Variants in TLN2 observed in about 807,000 individuals in gnomAD.
TLN2 encodes the protein talin-2.
In TLN2, 118 loss-of-function variants were observed where a neutral mutation model predicts 294.7. That is an observed-to-expected ratio of 0.40 (90% CI 0.34 to 0.47). The LOEUF is 0.47. Among genes scored for constraint, TLN2 ranks in the 20% least tolerant of loss-of-function variants. The pLI is 0.84. For synonymous variants in TLN2, 1,431 were observed against 1,304.5 expected (o/e 1.10, Z -2.09); for missense variants, 3,083 against 3,282.2 (o/e 0.94, Z 1.48).
chr15:62,589,758 TTAAGG>T lies in TLN2; in HGVS notation c.-162+1_-162+5del, dbSNP rs2045937514. On this transcript the variant is annotated splice_donor_variant and 5_prime_UTR_variant, in exon 2 of 59. Coordinates refer to ENST00000636159, the MANE Select transcript of TLN2 (RefSeq NM_015059.3). LOFTEE classifies it low-confidence loss of function (5UTR_SPLICE). ...TACGCTCTTAATAGAAACTGAGAAT[TTAAGG>T]TAAGTCCTTTCGCAAAGATACTTTG... 1 of 152,198 alleles carries T rather than the reference TTAAGG, an allele frequency of 6.6e-6. No homozygotes were observed. The highest frequency in any genetic ancestry group is 1.5e-5 in the Non-Finnish European group (1 of 68,036). 9.4% of individuals were successfully genotyped at this position (152,198 alleles called of 1,614,324 possible).
intron 1 of TLN2, among the ~76,000 whole-genome samples, chr15:62,393,168 A>G (rs1453678163): frequency 3.9e-5 from 6 of 152,194 alleles, no homozygotes; most frequent in Non-Finnish European, 7.3e-5. Flanking sequence ...AGGTCTCTTC[A>G]TATTGGGGAA....
chr15:62,573,829 A>T (rs533481259), intron 1 of TLN2, among the ~76,000 whole-genome samples: 13 of 148,122 alleles, frequency 8.8e-5, no homozygotes, highest in African/African-American at 2.2e-4. Context: ...ACTGAGAGGG[A>T]TGCATTATTA....
At chr15:62,453,484 G>C (rs964206212) in intron 1 of TLN2, 2 of 152,150 alleles carry the variant, frequency 1.3e-5, no homozygotes, top group African/African-American at 4.8e-5. Context: ...CTGAGGGAGG[G>C]CATTTCTTGA....
rs769213283 is a variant in TLN2 at position 62,686,814 on chromosome 15, G to A, written c.1113+18G>A. ...TCACACTGGTAGGGACTGGCAGAGGGCAAGGAGAGCACTAGCGTGGCCTTG... is the reference window on the plus strand; with the variant it reads ...TCACACTGGTAGGGACTGGCAGAGGACAAGGAGAGCACTAGCGTGGCCTTG... On this transcript the variant is annotated intron_variant, in intron 12 of 58. Transcript: ENST00000636159. The A allele has an allele frequency of 1.9e-6, 3 of 1,612,146 alleles. No individual in the cohort carries two copies. Among genetic ancestry groups the A allele is most frequent in the Non-Finnish European group, 2.5e-6 (3 of 1,179,722 alleles).
chr15:62,569,225 C>T (rs778763384), intron 1 of TLN2, among the ~76,000 whole-genome samples: 11 of 152,300 alleles, frequency 7.2e-5, no homozygotes, highest in African/African-American at 1.7e-4. Flanking sequence ...TCCCTAATTA[C>T]GTCTGCAAAT....
At chr15:62,472,681 A>G (rs539319279) in intron 1 of TLN2, among the ~76,000 whole-genome samples, 1 of 152,286 alleles carries the variant, frequency 6.6e-6, no homozygotes, top group Admixed American at 6.5e-5. Context: ...TTAGGAAAGG[A>G]GTGTGCCTTC....
chr15:62,417,270 C>T (rs1358167130), intron 1 of TLN2, among the ~76,000 whole-genome samples: 1 of 152,158 alleles, frequency 6.6e-6, no homozygotes, highest in African/African-American at 2.4e-5. Context: ...CAGCGTGCTT[C>T]CTTCGGCATC....
At chr15:62,634,412 GT>G (rs1199742209) in intron 3 of TLN2, among the ~76,000 whole-genome samples, 2 of 152,146 alleles carry the variant, frequency 1.3e-5, no homozygotes, top group Non-Finnish European at 2.9e-5. Flanking sequence ...TTTTGGAATT[GT>G]TTTTCAAGAA....
chr15:62,815,229 A>T (rs940593235), intron 52 of TLN2, among the ~76,000 whole-genome samples: 187 of 121,948 alleles, frequency 1.5e-3, no homozygotes, highest in East Asian at 4.8e-3. Flanking sequence ...ACACACACAC[A>T]CACTCACTCG....
rs188564594 is a variant in TLN2, at chr15:62,781,381, C to G, written c.5616+140C>G. ...TCCCTCAGGGGCTCCAGCTTCTGTC[C>G]TTTATCTGTGGTCTTTCTGGCTGCC... On this transcript the variant is annotated intron_variant, in intron 44 of 58. Transcript: ENST00000636159. 2,007 of 625,448 alleles carry G rather than the reference C, an allele frequency of 3.2e-3. 8 individuals are homozygous for G. The highest frequency in any genetic ancestry group is 4.0e-3 in the Non-Finnish European group (1,421 of 359,238). The allele number at this position is 625,448 out of a possible 1,614,324, so 38.7% of individuals were successfully genotyped here. A position where few individuals can be genotyped will look rare whatever the true frequency, so the allele number is the denominator to read the frequency against.
chr15:62,429,242 A>C (rs772463788), intron 1 of TLN2, among the ~76,000 whole-genome samples: 55 of 152,040 alleles, frequency 3.6e-4, no homozygotes, highest in South Asian at 1.5e-3. Flanking sequence ...AACTGAGGAG[A>C]GGCCTGTGTG....
In TLN2 at chr15:62,556,131, G is replaced by T. The variant is rs187335367; in HGVS notation, c.-237-33556G>T. 3.3e-3 allele frequency among the ~76,000 whole-genome samples: 498 copies of T among 148,680 alleles called. 5 individuals are homozygous for T. Among genetic ancestry groups the T allele is most frequent in the African/African-American group, 0.012 (469 of 40,616 alleles). ...TTCTCTCCATTATTGTATCTTTTTG[G>T]TTTTTTTTAATGTCATGTAGTAAAA... is the stretch of plus-strand genomic sequence containing the variant. On this transcript the variant is annotated intron_variant, in intron 1 of 58. Transcript: ENST00000636159.
chr15:62,447,561 C>T (rs1332000790), intron 1 of TLN2, among the ~76,000 whole-genome samples: 1 of 149,452 alleles, frequency 6.7e-6, no homozygotes, highest in Non-Finnish European at 1.5e-5. Context: ...ATGGCGCGAT[C>T]TTGCTCACTG....
At chr15:62,790,637 C>G (rs1360070348) in intron 45 of TLN2, among the ~76,000 whole-genome samples, 1 of 152,258 alleles carries the variant, frequency 6.6e-6, no homozygotes, top group Non-Finnish European at 1.5e-5. Flanking sequence ...TCACTGACCT[C>G]AGAGCCCTTG....
intron 1 of TLN2, among the ~76,000 whole-genome samples, chr15:62,446,002 A>C (rs2035803158): frequency 6.7e-6 from 1 of 150,136 alleles, no homozygotes; most frequent in Non-Finnish European, 1.5e-5. Flanking sequence ...TTTTTGTATA[A>C]ATTTATTTTT....
chr15:62,557,214 G>A (rs7167307), intron 1 of TLN2, among the ~76,000 whole-genome samples: 4,357 of 152,232 alleles, frequency 0.029, 217 homozygotes, highest in African/African-American at 0.099. Context: ...AGGCTGGGGT[G>A]GAGTCTTGGG....
chr15:62,412,773 A>G (rs1566952047), intron 1 of TLN2, among the ~76,000 whole-genome samples: 3 of 152,334 alleles, frequency 2.0e-5, no homozygotes, highest in East Asian at 3.9e-4. Context: ...CTCTAAGCAC[A>G]ATGTCAGAGG....
intron 21 of TLN2, among the ~76,000 whole-genome samples, chr15:62,709,497 G>A (rs977131402): frequency 4.6e-5 from 7 of 152,152 alleles, no homozygotes; most frequent in Non-Finnish European, 7.3e-5. Context: ...CTGAGCCTGT[G>A]CAGTCTCTAA....
intron 2 of TLN2, among the ~76,000 whole-genome samples, chr15:62,592,955 T>C (rs948458769): frequency 8.5e-5 from 13 of 152,236 alleles, no homozygotes; most frequent in Non-Finnish European, 1.8e-4. Flanking sequence ...ATTCTGACCT[T>C]ATCTCTGTGT....
Sources: allele counts gnomAD v4.1 joint callset (sites outside exome capture counted in the v4.1 genomes callset), GRCh38; gene constraint gnomAD v4.1.1; transcripts MANE v1.5; gene names NCBI Gene and HGNC (gene_info 2026-07-23, HGNC 2026-07-21).